The following CD5L variants were observed in gnomAD, a reference collection of about 807,000 sequenced individuals.
The protein encoded by CD5L is CD5 molecule like.
Under a neutral mutation model 40.8 loss-of-function variants are expected in CD5L, and 39 were observed. The ratio of observed to expected loss-of-function variants is 0.96; its 90% CI spans 0.74 to 1.25. The LOEUF is 1.25. CD5L is among the 50% of genes most tolerant of loss of function. The pLI is 0.00. For synonymous variants in CD5L, 192 were observed against 169.6 expected (o/e 1.13, Z -1.03); for missense variants, 433 against 435.9 (o/e 0.99, Z 0.06).
chr1:157,831,605 C>CATAG lies in CD5L; in HGVS notation c.*355_*358dup, dbSNP rs2101935007. ...GACCTAGATTAGTAATGTTTGCAGA[C>CATAG]ATAGACCTTAGTAATGGTCTGCACA... On this transcript the variant is annotated 3_prime_UTR_variant, in exon 6 of 6. Coordinates refer to ENST00000368174, the MANE Select transcript of CD5L (RefSeq NM_005894.3). 2 of 1,078,612 alleles carry CATAG rather than the reference C, an allele frequency of 1.9e-6. No homozygotes were observed. Among genetic ancestry groups the CATAG allele is most frequent in the Non-Finnish European group, 2.2e-6 (2 of 891,030 alleles). The allele number at this position is 1,078,612 out of a possible 1,614,324, so 66.8% of individuals were successfully genotyped here.
chr1:157,841,616 C>G (rs867460785), intron 1 of CD5L, 58 bp downstream of exon 1: 1 of 1,513,482 alleles, frequency 6.6e-7, no homozygotes, highest in East Asian at 2.3e-5. Context: ...AGAAAGTTCT[C>G]CTAATCAAAG....
At chr1:157,828,585 A>G (rs1655963613), downstream of CD5L, among the ~76,000 whole-genome samples, 1 of 152,102 alleles carries the variant, frequency 6.6e-6, no homozygotes, top group African/African-American at 2.4e-5. Context: ...GAATATTTTG[A>G]AATAATTTTT....
intron 2 of CD5L, 69 bp downstream of exon 2, chr1:157,839,315 C>T (rs1557942915): frequency 6.8e-7 from 1 of 1,466,684 alleles, no homozygotes; most frequent in Non-Finnish European, 9.6e-7. Flanking sequence ...CTCTGTGGCT[C>T]AAGAAGCTTC....
chr1:157,833,586 A>T, intron 4 of CD5L, 74 bp from the exon 5 acceptor site: 1 of 1,236,162 alleles, frequency 8.1e-7, no homozygotes, highest in South Asian at 1.5e-5. Flanking sequence ...ATTTATTTTT[A>T]AAATTTTTTC....
chr1:157,838,240 C>G (rs962025133), intron 2 of CD5L, among the ~76,000 whole-genome samples: 1 of 151,816 alleles, frequency 6.6e-6, no homozygotes. Context: ...TTATATAAAC[C>G]GTAAAAAACT....
rs750886090 is a variant in CD5L at position 157,836,061 on chromosome 1, A to G, written c.150T>C (p.Asp50=). The G allele has an allele frequency of 2.8e-5, 45 of 1,614,146 alleles. No homozygotes were observed. The highest frequency in any genetic ancestry group is 3.8e-5 in the Non-Finnish European group (45 of 1,180,034). The change falls in exon 3 of 6, where the codon GAT becomes GAC. Residue 50 remains aspartate (D), a synonymous_variant. Coordinates refer to ENST00000368174, the MANE Select transcript of CD5L (RefSeq NM_005894.3). ...EQKGQWGTVC[D]DGWDIKDVAV... ...CCACGTCCTTAATGTCCCAGCCGTC[A>G]TCACACACGGTGCCCCACTGGCCTT...
intron 5 of CD5L, among the ~76,000 whole-genome samples, chr1:157,832,859 C>T (rs773491840): frequency 1.3e-5 from 2 of 152,066 alleles, no homozygotes; most frequent in African/African-American, 4.8e-5. Context: ...TTATTTTCTC[C>T]GACTCTCACT....
chr1:157,830,619 C>G (rs774545574), downstream of CD5L, among the ~76,000 whole-genome samples: 1 of 152,176 alleles, frequency 6.6e-6, no homozygotes, highest in Non-Finnish European at 1.5e-5. Flanking sequence ...AACATAAACA[C>G]ACTGGTTAGA....
chr1:157,835,961 C>G lies in CD5L; in HGVS notation c.250G>C (p.Glu84Gln), dbSNP rs757727619. 8.7e-6 allele frequency: 14 copies of G among 1,614,128 alleles called. No individual in the cohort carries two copies. In the Admixed American group the frequency reaches 2.0e-4, roughly 23 times the overall value. Residue 84 changes from glutamate (E) to glutamine (Q), a missense_variant, in exon 3 of 6, where the codon GAA becomes CAA. Transcript: ENST00000368174. The part of the protein sequence containing the change: ...PSGILYEPPA[E>Q]KEQKVLIQSV... ...TGGATGAGGACCTTTTGCTCTTTTT[C>G]TGCTGGTGGCTCATACAAAATACCA...
chr1:157,830,135 G>A (rs1656009217), downstream of CD5L, among the ~76,000 whole-genome samples: 1 of 152,204 alleles, frequency 6.6e-6, no homozygotes, highest in Non-Finnish European at 1.5e-5. Flanking sequence ...TAGCAGTCAT[G>A]GGATCCCATA....
chr1:157,829,593 T>C (rs1297538562), downstream of CD5L, among the ~76,000 whole-genome samples: 4 of 152,250 alleles, frequency 2.6e-5, no homozygotes, highest in African/African-American at 2.4e-5. Context: ...GCTCTGGTCC[T>C]TATCTTTTCA....
At position 157,831,745 on chromosome 1, in the gene CD5L, C is replaced by T; in HGVS notation, c.*219G>A. 7.8e-7 allele frequency: 1 copy of T among 1,274,274 alleles called. No homozygotes were observed. The highest frequency in any genetic ancestry group is 9.9e-7 in the Non-Finnish European group (1 of 1,007,272). 78.9% of individuals were successfully genotyped at this position (1,274,274 alleles called of 1,614,324 possible). A position where few individuals can be genotyped will look rare whatever the true frequency, so the allele number is the denominator to read the frequency against. Reference sequence around the variant, plus strand: ...ACAGGATACATGGAAGCTCATCTTCCCCAGCAAGAGGGAACTCAACAGCTC... The same window carrying T: ...ACAGGATACATGGAAGCTCATCTTCTCCAGCAAGAGGGAACTCAACAGCTC... On this transcript the variant is annotated 3_prime_UTR_variant, in exon 6 of 6. Coordinates refer to ENST00000368174, the MANE Select transcript of CD5L (RefSeq NM_005894.3).
Position 157,831,155 on chromosome 1 carries a change from C to T in CD5L, c.*809G>A. The T allele has an allele frequency of 2.0e-6, 2 of 985,184 alleles. No homozygotes were observed. Among genetic ancestry groups the T allele is most frequent in the African/African-American group, 1.7e-5 (1 of 57,326 alleles). The allele number at this position is 985,184 out of a possible 1,614,324, so 61.0% of individuals were successfully genotyped here. ...TTTAGCCCTCCCTGATCTCTTTCTG[C>T]CTCTTTCTTGACCTTTTCCCAGTAA... On this transcript the variant is annotated 3_prime_UTR_variant, in exon 6 of 6. Coordinates refer to ENST00000368174, the MANE Select transcript of CD5L (RefSeq NM_005894.3).
chr1:157,828,623 A>G (rs1458795555), downstream of CD5L, among the ~76,000 whole-genome samples: 1 of 152,136 alleles, frequency 6.6e-6, no homozygotes, highest in Non-Finnish European at 1.5e-5. Flanking sequence ...ACCCCCAGAG[A>G]GATGGAGACT....
downstream of CD5L, among the ~76,000 whole-genome samples, chr1:157,827,725 T>C (rs529772334): frequency 2.0e-5 from 3 of 152,294 alleles, no homozygotes; most frequent in South Asian, 6.2e-4. Context: ...TAACCAAATA[T>C]ATGGATGCCC....
At position 157,831,621 on chromosome 1, in the gene CD5L, G is replaced by T; in HGVS notation, c.*343C>A. 9.0e-7 allele frequency: 1 copy of T among 1,111,612 alleles called. No individual in the cohort carries two copies. The highest frequency in any genetic ancestry group is 1.1e-6 in the Non-Finnish European group (1 of 911,688). The allele number at this position is 1,111,612 out of a possible 1,614,324, so 68.9% of individuals were successfully genotyped here. ...GTTTGCAGACATAGACCTTAGTAAT[G>T]GTCTGCACATCTGACCAAAGTGACA... is the stretch of plus-strand genomic sequence containing the variant. On this transcript the variant is annotated 3_prime_UTR_variant, in exon 6 of 6. Coordinates refer to ENST00000368174, the MANE Select transcript of CD5L (RefSeq NM_005894.3).
downstream of CD5L, among the ~76,000 whole-genome samples, chr1:157,829,048 C>T (rs1655975605): frequency 6.6e-6 from 1 of 152,192 alleles, no homozygotes; most frequent in South Asian, 2.1e-4. Flanking sequence ...TCCCAAAAAC[C>T]TTCTCCTCTG....
At chr1:157,827,279 TG>T (rs1323890363), downstream of CD5L, among the ~76,000 whole-genome samples, 9 of 138,820 alleles carry the variant, frequency 6.5e-5, no homozygotes, top group African/African-American at 2.6e-4. Flanking sequence ...TGTGTGTGTG[TG>T]TGTGTGTGTG....
chr1:157,829,874 C>A (rs919808281), downstream of CD5L, among the ~76,000 whole-genome samples: 2 of 152,156 alleles, frequency 1.3e-5, no homozygotes, highest in Non-Finnish European at 2.9e-5. Flanking sequence ...GGATGAGAAA[C>A]CAAAAATACT....
Sources: allele counts gnomAD v4.1 joint callset (sites outside exome capture counted in the v4.1 genomes callset), GRCh38; gene constraint gnomAD v4.1.1; transcripts MANE v1.5; gene names NCBI Gene and HGNC (gene_info 2026-07-23, HGNC 2026-07-21).